The following PALLD variants were observed in gnomAD, a reference collection of about 807,000 sequenced individuals.
The protein encoded by PALLD is palladin, cytoskeletal associated protein, also known as palladin.
PALLD carries 61 observed loss-of-function variants against 123.5 expected under a neutral mutation model. That is an observed-to-expected ratio of 0.49 (90% confidence interval 0.40 to 0.61). The LOEUF (loss-of-function observed/expected upper bound fraction) is 0.61. PALLD is among the 20% of genes least tolerant of loss of function. The pLI is 0.00. For synonymous variants in PALLD, 465 were observed against 496.4 expected (o/e 0.94, Z 0.84); for missense variants, 1,273 against 1,377.0 (o/e 0.92, Z 1.20).
chr4:168,839,782 C>T (rs979345571), intron 10 of PALLD, among the ~76,000 whole-genome samples: 11 of 152,050 alleles, frequency 7.2e-5, no homozygotes, highest in Admixed American at 6.6e-4. Context: ...AGTGGGAGAC[C>T]ATGATTTGGG....
intron 10 of PALLD, among the ~76,000 whole-genome samples, chr4:168,818,489 G>A (rs10012572): frequency 0.7 from 106,518 of 152,028 alleles, 37,776 homozygotes; most frequent in African/African-American, 0.78. Flanking sequence ...AGTCTTATCT[G>A]CTTGAGAGGA....
At chr4:168,518,924 C>G (rs1490929760) in intron 2 of PALLD, among the ~76,000 whole-genome samples, 1 of 152,088 alleles carries the variant, frequency 6.6e-6, no homozygotes, top group Non-Finnish European at 1.5e-5. Context: ...TGGAAAGAAC[C>G]TAAACATTCA....
chr4:168,794,577 G>A (rs1271102960), intron 10 of PALLD, among the ~76,000 whole-genome samples: 1 of 151,468 alleles, frequency 6.6e-6, no homozygotes, highest in African/African-American at 2.4e-5. Context: ...ACTAGCTAGA[G>A]GGGTTATCAG....
intron 1 of PALLD, among the ~76,000 whole-genome samples, chr4:168,498,923 T>C (rs1382473490): frequency 6.6e-6 from 1 of 152,066 alleles, no homozygotes; most frequent in Non-Finnish European, 1.5e-5. Flanking sequence ...TAAAGTATCT[T>C]ATTTGGCTGT....
At chr4:168,612,435 T>A (rs1453688045) in intron 2 of PALLD, among the ~76,000 whole-genome samples, 1 of 152,140 alleles carries the variant, frequency 6.6e-6, no homozygotes, top group East Asian at 1.9e-4. Context: ...GGATGATCAC[T>A]ACAAGAACCA....
rs1060502973 is a variant in PALLD at position 168,894,681 on chromosome 4, C to T, written c.2199+4C>T. 3.1e-6 allele frequency: 5 copies of T among 1,611,694 alleles called. No individual in the cohort carries two copies. Among genetic ancestry groups the T allele is most frequent in the Non-Finnish European group, 3.4e-6 (4 of 1,178,936 alleles). ...AGAAGAGGAAACAGCTAATCAGGTACCATGTTGCTCTGGACTTCTTAGGGT... is the reference window on the plus strand; with the variant it reads ...AGAAGAGGAAACAGCTAATCAGGTATCATGTTGCTCTGGACTTCTTAGGGT... On this transcript the variant is annotated splice_donor_region_variant and intron_variant, in intron 12 of 21. Coordinates refer to ENST00000505667, the MANE Select transcript of PALLD (RefSeq NM_001166108.2).
intron 10 of PALLD, among the ~76,000 whole-genome samples, chr4:168,856,777 G>A (rs547140360): frequency 6.6e-6 from 1 of 152,192 alleles, no homozygotes; most frequent in Non-Finnish European, 1.5e-5. Flanking sequence ...GAGCCTACAT[G>A]GCTAAGAAGT....
At chr4:168,695,036 A>G (rs1443238245) in intron 8 of PALLD, among the ~76,000 whole-genome samples, 2 of 152,220 alleles carry the variant, frequency 1.3e-5, no homozygotes, top group African/African-American at 4.8e-5. Flanking sequence ...AGTTACTTCT[A>G]TAGCACTGTC....
rs555094780 is a variant in PALLD at position 168,628,318 on chromosome 4, A to T, written c.909-39872A>T. Among the ~76,000 whole-genome samples the T allele has an allele frequency of 1.4e-4, 21 of 152,316 alleles. No individual in the cohort carries two copies. The South Asian group carries it at 2.3e-3, about 17-fold the overall frequency. On this transcript the variant is annotated intron_variant, in intron 2 of 21. Transcript: ENST00000505667. ...CTGCACTGATATGCATGTAAGTCTC[A>T]TCGTGTCCGTCCTCTTCTCAAGACC...
In PALLD at chr4:168,926,563, T is replaced by TAATA; in HGVS notation, c.*384_*387dup. 1 of 551,268 alleles carries TAATA rather than the reference T, an allele frequency of 1.8e-6. No individual in the cohort carries two copies. The highest frequency in any genetic ancestry group is 1.9e-5 in the African/African-American group (1 of 53,128). The allele number at this position is 551,268 out of a possible 1,614,324, so 34.1% of individuals were successfully genotyped here. On this transcript the variant is annotated 3_prime_UTR_variant, in exon 22 of 22. Transcript: ENST00000505667. ...CAAACTTAGTTTAAGTAGATAATGC[T>TAATA]AATACAAATATACACATTGCACAGA... is the stretch of plus-strand genomic sequence containing the variant.
At chr4:168,682,950 C>T (rs753404379) in intron 4 of PALLD, 48 bp from the exon 5 acceptor site, 10 of 1,131,874 alleles carry the variant, frequency 8.8e-6, no homozygotes, top group Admixed American at 2.0e-5. Flanking sequence ...AACAAAAAAA[C>T]GAAAACAAAA....
chr4:168,509,520 C>T (rs6815301), intron 1 of PALLD, among the ~76,000 whole-genome samples: 45,461 of 151,782 alleles, frequency 0.3, 6,875 homozygotes, highest in Non-Finnish European at 0.33. Flanking sequence ...TCCTCATATA[C>T]GAGCCATATC....
intron 1 of PALLD, among the ~76,000 whole-genome samples, chr4:168,503,546 C>T (rs1187157508): frequency 2.6e-5 from 4 of 151,246 alleles, no homozygotes; most frequent in Non-Finnish European, 5.9e-5. Context: ...ACTCAGGAGG[C>T]TGAGGCAAGA....
chr4:168,751,582 T>G (rs1731068575), intron 10 of PALLD, among the ~76,000 whole-genome samples: 1 of 152,182 alleles, frequency 6.6e-6, no homozygotes, highest in Non-Finnish European at 1.5e-5. Context: ...GAGTCATTAC[T>G]GAATAAATAT....
chr4:168,918,046 A>G (rs1760575146), intron 17 of PALLD, among the ~76,000 whole-genome samples: 1 of 152,112 alleles, frequency 6.6e-6, no homozygotes, highest in Non-Finnish European at 1.5e-5. Context: ...TAAAAATGCT[A>G]AAATTAGCCA....
In PALLD at chr4:168,650,687, T is replaced by C. The variant is rs923716912; in HGVS notation, c.909-17503T>C. The stretch of plus-strand genomic sequence containing the variant: ...CCAAATTATATTCCCACATTGGTTA[T>C]AGCAATTTTCAATATTATGAGTTTT... On this transcript the variant is annotated intron_variant, in intron 2 of 21. Transcript: ENST00000505667. 5.3e-5 allele frequency among the ~76,000 whole-genome samples: 8 copies of C among 152,194 alleles called. No homozygotes were observed. In the East Asian group the frequency reaches 1.3e-3, roughly 26 times the overall value.
intron 2 of PALLD, among the ~76,000 whole-genome samples, chr4:168,644,491 G>A (rs891093862): frequency 2.0e-5 from 3 of 152,198 alleles, no homozygotes; most frequent in Non-Finnish European, 2.9e-5. Flanking sequence ...AAGGTAGGTT[G>A]TAGCATCTCT....
intron 2 of PALLD, among the ~76,000 whole-genome samples, chr4:168,641,514 G>A (rs1403640475): frequency 6.6e-6 from 1 of 151,736 alleles, no homozygotes; most frequent in Non-Finnish European, 1.5e-5. Flanking sequence ...GGACTGTGGT[G>A]CTCAGAGCCT....
At position 168,746,586 on chromosome 4, in the gene PALLD, C is replaced by T. The variant is rs542102165; in HGVS notation, c.1964+34663C>T. Among the ~76,000 whole-genome samples, 4 of 152,030 alleles carry T rather than the reference C, an allele frequency of 2.6e-5. No homozygotes were observed. The East Asian group carries it at 5.8e-4, about 22-fold the overall frequency. On this transcript the variant is annotated intron_variant, in intron 10 of 21. Transcript: ENST00000505667. ...CAAATGTTTGAGTGAATAACAAGCC[C>T]GTTCTCCATTCTGGTTAACTTACGA...
Sources: allele counts gnomAD v4.1 joint callset (sites outside exome capture counted in the v4.1 genomes callset), GRCh38; gene constraint gnomAD v4.1.1; transcripts MANE v1.5; gene names NCBI Gene and HGNC (gene_info 2026-07-23, HGNC 2026-07-21).